The following INTS3 variants were observed in gnomAD, a reference collection of about 807,000 sequenced individuals.
The protein encoded by INTS3 is SOSS complex subunit A.
A neutral mutation model predicts 146.3 loss-of-function variants in INTS3; 34 were observed. The observed-to-expected ratio is 0.23, with a 90% CI of 0.18 to 0.31. The LOEUF (loss-of-function observed/expected upper bound fraction) is 0.31. Ranked by LOEUF, INTS3 falls within the 10% of genes least tolerant of loss-of-function variation. INTS3 has a pLI of 1.00. For synonymous variants in INTS3, 475 were observed against 494.9 expected, an observed-to-expected ratio of 0.96 and a Z score of 0.53; for missense variants, 757 against 1,304.2, an observed-to-expected ratio of 0.58 and a Z score of 6.46.
Position 153,772,700 on chromosome 1 carries a change from C to T in INTS3, c.2883C>T (p.Ala961=). The T allele has an allele frequency of 6.2e-7, 1 of 1,613,810 alleles. No individual in the cohort carries two copies. The highest frequency in any genetic ancestry group is 2.2e-5 in the East Asian group (1 of 44,878). The change falls in exon 28 of 30, where the codon GCC becomes GCT. Residue 961 remains alanine, a synonymous_variant. Transcript: ENST00000318967. This position sits in a 1 kb window ranked among gnomAD's most constrained non-coding sequence, Gnocchi z 4.6. ...ATGTCCAAGCGAGCTGTGACGAAGCCCACAAGATGAAGTGAGGCTCCTGCC... is the reference window on the plus strand; with the variant it reads ...ATGTCCAAGCGAGCTGTGACGAAGCTCACAAGATGAAGTGAGGCTCCTGCC... ...LQHVQASCDE[A]HKMKFSDLFS... is the part of the protein sequence containing the mutation.
chr1:153,764,779 C>T (rs2101822262), intron 19 of INTS3, 45 bp downstream of exon 19: 1 of 1,544,650 alleles, frequency 6.5e-7, no homozygotes, highest in Non-Finnish European at 9.0e-7. Flanking sequence ...CTCCATCCTC[C>T]CTGACAGCAC....
At chr1:153,761,121 C>G in intron 13 of INTS3, 1 of 1,370,840 alleles carries the variant, frequency 7.3e-7, no homozygotes. Flanking sequence ...TCTTCAAATG[C>G]CTTCATGTTC....
At chr1:153,738,751 A>G (rs1320563663) in intron 1 of INTS3, among the ~76,000 whole-genome samples, 3 of 152,190 alleles carry the variant, frequency 2.0e-5, no homozygotes, top group Non-Finnish European at 4.4e-5. Flanking sequence ...TGAATCAGTT[A>G]TTACTTTCAC....
chr1:153,762,278 G>A (rs113213330), intron 14 of INTS3, among the ~76,000 whole-genome samples: 2,291 of 152,260 alleles, frequency 0.015, 54 homozygotes, highest in African/African-American at 0.051. Flanking sequence ...ATGAAACTCC[G>A]TCTCTACTAA....
rs1345547829 is a variant in INTS3, at chr1:153,728,611, T to A, written c.-24T>A. On this transcript the variant is annotated 5_prime_UTR_variant, in exon 1 of 30. Transcript: ENST00000318967. ...CTGTCCATCCATCCACTCCCTGACC[T>A]TTTCCCGGCTCCTGGCTGCAGCCAT... is the stretch of plus-strand genomic sequence containing the variant. The A allele has an allele frequency of 4.4e-6, 7 of 1,591,390 alleles. No individual in the cohort carries two copies. The highest frequency in any genetic ancestry group is 6.0e-6 in the Non-Finnish European group (7 of 1,171,876).
Position 153,759,247 on chromosome 1 carries a change from C to T in INTS3, c.1150-279C>T, listed in dbSNP as rs971733348. ...TGAGATCATGCCACTGCACTACAGCCTGGGCAACAGAGCAAGACCCTGTCT... is the reference window on the plus strand; with the variant it reads ...TGAGATCATGCCACTGCACTACAGCTTGGGCAACAGAGCAAGACCCTGTCT... On this transcript the variant is annotated intron_variant, in intron 10 of 29. Transcript: ENST00000318967. Among the ~76,000 whole-genome samples the T allele has an allele frequency of 4.6e-5, 7 of 150,908 alleles. No homozygotes were observed. The East Asian group carries it at 1.2e-3, about 25-fold the overall frequency.
chr1:153,745,269 G>A (rs907804385), intron 3 of INTS3, among the ~76,000 whole-genome samples: 2 of 150,730 alleles, frequency 1.3e-5, no homozygotes, highest in Non-Finnish European at 1.5e-5. Flanking sequence ...TGATCCTCCC[G>A]CCTCAGCCTC....
chr1:153,754,781 G>C, intron 9 of INTS3, 42 bp downstream of exon 9: 1 of 1,290,212 alleles, frequency 7.8e-7, no homozygotes, highest in Non-Finnish European at 1.1e-6. Context: ...TCACACGCTG[G>C]CTGGGCTTCT....
intron 3 of INTS3, among the ~76,000 whole-genome samples, chr1:153,743,940 C>T (rs189974352): frequency 1.1e-4 from 17 of 151,986 alleles, no homozygotes; most frequent in African/African-American, 4.1e-4. Context: ...CATCACTGCT[C>T]TTGACACATT....
Position 153,769,856 on chromosome 1 carries a change from A to G in INTS3, c.2389+12A>G, listed in dbSNP as rs1672746238. ...TCTCAACATACTCAGTAAGTGATCA[A>G]ATCTTTAGGTGCCTGGGAGAGGAGA... On this transcript the variant is annotated intron_variant, in intron 23 of 29. Transcript: ENST00000318967. 4 of 1,574,578 alleles carry G rather than the reference A, an allele frequency of 2.5e-6. No individual in the cohort carries two copies. The highest frequency in any genetic ancestry group is 3.5e-6 in the Non-Finnish European group (4 of 1,144,054).
At chr1:153,751,070 G>C (rs761994807) in intron 6 of INTS3, 25 bp from the exon 7 acceptor site, 1 of 1,613,414 alleles carries the variant, frequency 6.2e-7, no homozygotes, top group South Asian at 1.1e-5. Context: ...CAGAGCATAG[G>C]AGCCAGTGTG....
In INTS3 at chr1:153,728,065, G is replaced by A. The variant is rs1202993297; in HGVS notation, c.-570G>A. Reference sequence around the variant, plus strand: ...CCCGCCCTCCGCCTTCCCACCCCCCGCCCTTCCACTATGGCCGCTTCTGTG... The same window carrying A: ...CCCGCCCTCCGCCTTCCCACCCCCCACCCTTCCACTATGGCCGCTTCTGTG... On this transcript the variant is annotated 5_prime_UTR_variant, in exon 1 of 30. Coordinates refer to ENST00000318967, the MANE Select transcript of INTS3 (RefSeq NM_023015.5). 2 of 273,272 alleles carry A rather than the reference G, an allele frequency of 7.3e-6. No individual in the cohort carries two copies. Among genetic ancestry groups the A allele is most frequent in the East Asian group, 8.8e-5 (2 of 22,704 alleles). 16.9% of individuals were successfully genotyped at this position (273,272 alleles called of 1,614,324 possible).
At position 153,772,588 on chromosome 1, in the gene INTS3, C is replaced by T. The variant is rs1021937173; in HGVS notation, c.2822-51C>T. ...ACCTGTGCGTGCTGTTTAATAAGCT[C>T]CCAGACATCTGATTGTTTTTCCTTC... On this transcript the variant is annotated intron_variant, in intron 27 of 29. Transcript: ENST00000318967. This position sits in a 1 kb window ranked among gnomAD's most constrained non-coding sequence, Gnocchi z 4.6. 2 of 1,613,490 alleles carry T rather than the reference C, an allele frequency of 1.2e-6. No individual in the cohort carries two copies. Among genetic ancestry groups the T allele is most frequent in the Admixed American group, 1.7e-5 (1 of 59,868 alleles).
At chr1:153,766,015 A>T (rs1672564559) in intron 20 of INTS3, among the ~76,000 whole-genome samples, 1 of 152,000 alleles carries the variant, frequency 6.6e-6, no homozygotes. Context: ...GCTCTTGGCA[A>T]CCACTGATCT....
chr1:153,740,544 A>T, intron 1 of INTS3, 107 bp from the exon 2 acceptor site: 1 of 796,816 alleles, frequency 1.3e-6, no homozygotes, highest in Non-Finnish European at 2.2e-6. Context: ...ACTGGCAGCT[A>T]GATCAATGGG....
At chr1:153,741,105 G>A (rs937450596) in intron 2 of INTS3, among the ~76,000 whole-genome samples, 180 bp from the exon 3 acceptor site, 1 of 152,036 alleles carries the variant, frequency 6.6e-6, no homozygotes, top group Non-Finnish European at 1.5e-5. Flanking sequence ...CACACCTGTC[G>A]TCCTTATCTC....
chr1:153,734,500 C>T (rs1359991900), intron 1 of INTS3, among the ~76,000 whole-genome samples: 1 of 152,232 alleles, frequency 6.6e-6, no homozygotes, highest in Non-Finnish European at 1.5e-5. Context: ...TGGACTCTCA[C>T]TTTCTACAAC....
chr1:153,733,069 C>T (rs575208150), intron 1 of INTS3, among the ~76,000 whole-genome samples: 1 of 151,312 alleles, frequency 6.6e-6, no homozygotes, highest in East Asian at 2.0e-4. Flanking sequence ...TCTCGAACTC[C>T]TGACCTCATG....
Position 153,772,029 on chromosome 1 carries a change from TG to T in INTS3, c.2720+68del. 7.8e-7 allele frequency: 1 copy of T among 1,280,072 alleles called. No homozygotes were observed. 79.3% of individuals were successfully genotyped at this position (1,280,072 alleles called of 1,614,324 possible). On this transcript the variant is annotated intron_variant, in intron 26 of 29. Transcript: ENST00000318967. The surrounding 1 kb of genome is among the most constrained non-coding windows in gnomAD (Gnocchi z 4.6). ...CTGCAGTGATTGCTGTCGGTGGTGG[TG>T]GTGGTGGTGGTGGTGGTGGTGATGG...
Sources: gnomAD v4.1 joint callset for allele counts (sites outside exome capture counted in the v4.1 genomes callset) on GRCh38, gnomAD v4.1.1 for gene constraint, Gnocchi (gnomAD v3.1) non-coding constraint, MANE v1.5 for transcripts, NCBI Gene and HGNC (gene_info 2026-07-23, HGNC 2026-07-21) for gene names.